XKR3: variants seen among roughly 807,000 people sequenced by gnomAD.
XKR3 encodes the protein XK-related protein 3.
XKR3 carries 27 observed loss-of-function variants against 40.3 expected under a neutral mutation model. The ratio of observed to expected loss-of-function variants is 0.67; its 90% CI spans 0.49 to 0.92. The LOEUF is 0.92. Ranked by LOEUF, XKR3 falls within the 40% of genes least tolerant of loss-of-function variation. XKR3 has a pLI of 0.00. For synonymous variants in XKR3, 193 were observed against 195.4 expected, an observed-to-expected ratio of 0.99 and a Z score of 0.10; for missense variants, 472 against 537.6, an observed-to-expected ratio of 0.88 and a Z score of 1.21.
chr22:16,783,990 C>G lies in XKR3; in HGVS notation c.1009G>C (p.Gly337Arg), dbSNP rs1399400369. ...ATTCTATGGCCCCACCTCTGTCTCCCGTCAATTATTTTGTCATCTGACAAC... is the reference window on the plus strand; with the variant it reads ...ATTCTATGGCCCCACCTCTGTCTCCGGTCAATTATTTTGTCATCTGACAAC... ...LQLSDDKIIDGRQRWGHRILH... is the reference protein window; with the variant it reads ...LQLSDDKIIDRRQRWGHRILH... The change falls in exon 4 of 4, where the codon GGG becomes CGG. Residue 337 changes from glycine (G) to arginine (R), a missense_variant. Transcript: ENST00000684488. 44 of 1,614,064 alleles carry G rather than the reference C, an allele frequency of 2.7e-5. No individual in the cohort carries two copies. The highest frequency in any genetic ancestry group is 3.3e-5 in the Non-Finnish European group (39 of 1,180,052).
Position 16,784,128 on chromosome 22 carries a change from G to T in XKR3, c.871C>A (p.Pro291Thr), listed in dbSNP as rs780685065. 1.2e-6 allele frequency: 2 copies of T among 1,614,040 alleles called. No individual in the cohort carries two copies. Among genetic ancestry groups the T allele is most frequent in the African/African-American group, 1.3e-5 (1 of 74,934 alleles). ...LEFWKSGAHL[P>T]GNKENNSNMV... is the part of the protein sequence containing the mutation. ...TTGGAATTATTTTCTTTGTTGCCAG[G>T]AAGATGAGCTCCACTTTTCCAAAAC... is the stretch of plus-strand genomic sequence containing the variant. Residue 291 changes from proline (P) to threonine (T), a missense_variant, in exon 4 of 4, where the codon CCT (proline) becomes ACT (threonine). Transcript: ENST00000684488.
chr22:16,792,365 A>T (rs1202423993), intron 3 of XKR3, among the ~76,000 whole-genome samples: 1 of 152,234 alleles, frequency 6.6e-6, no homozygotes, highest in Non-Finnish European at 1.5e-5. Context: ...AAAAGTGAAC[A>T]CACAAATACA....
chr22:16,823,796 G>A (rs967658490), intron 1 of XKR3, among the ~76,000 whole-genome samples: 1 of 94,016 alleles, frequency 1.1e-5, no homozygotes, highest in Non-Finnish European at 2.4e-5. Flanking sequence ...GGGTACTCAA[G>A]TACTAAAAGG....
chr22:16,821,230 A>G (rs751080699), intron 1 of XKR3, among the ~76,000 whole-genome samples: 3 of 152,154 alleles, frequency 2.0e-5, no homozygotes, highest in Non-Finnish European at 2.9e-5. Flanking sequence ...GAAAAAATGT[A>G]TATATCAAAG....
chr22:16,796,378 G>C (rs1255609260), intron 3 of XKR3, among the ~76,000 whole-genome samples: 2 of 152,116 alleles, frequency 1.3e-5, no homozygotes, highest in African/African-American at 4.8e-5. Context: ...CCCAGCATCA[G>C]CCTGATACCA....
intron 1 of XKR3, among the ~76,000 whole-genome samples, chr22:16,815,151 T>C (rs1269308661): frequency 6.6e-6 from 1 of 152,086 alleles, no homozygotes; most frequent in East Asian, 1.9e-4. Flanking sequence ...CCTAGTTGAG[T>C]GCTTTTATCG....
At chr22:16,806,676 G>A (rs2060191161) in intron 2 of XKR3, among the ~76,000 whole-genome samples, 1 of 151,862 alleles carries the variant, frequency 6.6e-6, no homozygotes, top group Non-Finnish European at 1.5e-5. Context: ...GACCTCAAAT[G>A]ATCCGCCTGC....
chr22:16,812,386 G>A (rs1324562203), intron 1 of XKR3, among the ~76,000 whole-genome samples: 2 of 151,976 alleles, frequency 1.3e-5, no homozygotes, highest in Admixed American at 1.3e-4. Flanking sequence ...CCATTTTAAA[G>A]TACACACTTG....
rs184930999 is a variant in XKR3, at chr22:16,820,727, A to G, written c.-11+4564T>C. On this transcript the variant is annotated intron_variant, in intron 1 of 3. Transcript: ENST00000684488. ...TACTTAACAAAAAAACAGTTGCATA[A>G]TATCTAAGAAATGACAGAGTAATCA... 8.0e-4 allele frequency among the ~76,000 whole-genome samples: 122 copies of G among 152,316 alleles called. 1 individual carries two copies. Among genetic ancestry groups the G allele is most frequent in the Admixed American group, 2.9e-3 (45 of 15,298 alleles).
intron 1 of XKR3, chr22:16,821,677 A>G (rs1259433381): frequency 6.6e-6 from 1 of 152,152 alleles, no homozygotes; most frequent in Non-Finnish European, 1.5e-5. Flanking sequence ...TACGTTCTGC[A>G]TCAGAATTTA....
At chr22:16,793,873 A>G (rs1214335280) in intron 3 of XKR3, among the ~76,000 whole-genome samples, 1 of 152,216 alleles carries the variant, frequency 6.6e-6, no homozygotes. Context: ...TCTTCAGCTG[A>G]AAACTTCACA....
At chr22:16,787,838 T>A (rs2060097284) in intron 3 of XKR3, among the ~76,000 whole-genome samples, 2 of 151,918 alleles carry the variant, frequency 1.3e-5, no homozygotes. Context: ...TATGCATATA[T>A]ATAATGTAAA....
chr22:16,807,175 C>T (rs958535647), intron 2 of XKR3, among the ~76,000 whole-genome samples: 7 of 152,072 alleles, frequency 4.6e-5, no homozygotes, highest in African/African-American at 1.7e-4. Context: ...ATGAGTAAGA[C>T]AGATTAACAT....
At chr22:16,799,027 A>G (rs1033457386) in intron 3 of XKR3, among the ~76,000 whole-genome samples, 4 of 152,200 alleles carry the variant, frequency 2.6e-5, no homozygotes, top group Non-Finnish European at 5.9e-5. Flanking sequence ...AATTTAAAAT[A>G]AAATATACAG....
At chr22:16,808,569 T>G (rs966301339) in intron 1 of XKR3, among the ~76,000 whole-genome samples, 2 of 152,224 alleles carry the variant, frequency 1.3e-5, no homozygotes, top group Admixed American at 6.5e-5. Flanking sequence ...TTCCACTTAT[T>G]GCTAGATGTT....
rs1860944 is a variant in XKR3 at position 16,825,380 on chromosome 22, G to A, written c.-100C>T. On this transcript the variant is annotated 5_prime_UTR_variant, in exon 1 of 4. In the 5' UTR this introduces an upstream ATG that the reference lacks. Transcript: ENST00000684488. Reference sequence around the variant, plus strand: ...CTTTAACAGCACCATTTCTGGTCTCGTTTTCAACACTACGTCCTTTGCTTT... The same window carrying A: ...CTTTAACAGCACCATTTCTGGTCTCATTTTCAACACTACGTCCTTTGCTTT... 0.42 allele frequency among the ~76,000 whole-genome samples: 64,280 copies of A among 152,044 alleles called. 14,062 individuals are homozygous for A. Among genetic ancestry groups the A allele is most frequent in the Non-Finnish European group, 0.46 (31,572 of 67,960 alleles).
intron 1 of XKR3, among the ~76,000 whole-genome samples, chr22:16,820,813 C>T (rs1196531023): frequency 1.3e-5 from 2 of 152,050 alleles, no homozygotes; most frequent in Non-Finnish European, 2.9e-5. Context: ...TTTGATGTTA[C>T]CCCTGAAATG....
intron 1 of XKR3, among the ~76,000 whole-genome samples, chr22:16,811,394 T>C (rs1195958714): frequency 1.3e-5 from 2 of 152,156 alleles, no homozygotes; most frequent in South Asian, 2.1e-4. Flanking sequence ...ACCAAAGTGT[T>C]TGGATTCACC....
intron 2 of XKR3, among the ~76,000 whole-genome samples, chr22:16,803,699 G>A (rs900530330): frequency 4.6e-5 from 7 of 152,070 alleles, no homozygotes; most frequent in Admixed American, 3.9e-4. Context: ...TCACTGCTGC[G>A]CTCCCACCAG....
Sources: gnomAD v4.1 joint callset for allele counts (sites outside exome capture counted in the v4.1 genomes callset) on GRCh38, gnomAD v4.1.1 for gene constraint, MANE v1.5 for transcripts, NCBI Gene and HGNC (gene_info 2026-07-23, HGNC 2026-07-21) for gene names.